The following CCNB2 variants were observed in gnomAD, a reference collection of about 807,000 sequenced individuals.
CCNB2 encodes the protein G2/mitotic-specific cyclin-B2.
Under a neutral mutation model 51.1 loss-of-function variants are expected in CCNB2, and 39 were observed. The observed-to-expected ratio is 0.76, with a 90% CI of 0.59 to 1.00. CCNB2 has a LOEUF of 1.00. CCNB2 is among the 50% of genes least tolerant of loss of function. CCNB2 has a pLI of 0.00. For synonymous variants in CCNB2, 174 were observed against 165.5 expected, an observed-to-expected ratio of 1.05 and a Z score of -0.40; for missense variants, 472 against 470.3, an observed-to-expected ratio of 1.00 and a Z score of -0.03.
chr15:59,109,123 T>G (rs1409931388), intron 3 of CCNB2, among the ~76,000 whole-genome samples: 6 of 152,292 alleles, frequency 3.9e-5, no homozygotes, highest in Admixed American at 2.0e-4. Context: ...CGATCTCTGC[T>G]AACTGCAACC....
chr15:59,118,671 G>A (rs575737600), intron 7 of CCNB2, among the ~76,000 whole-genome samples: 7 of 152,274 alleles, frequency 4.6e-5, no homozygotes, highest in Non-Finnish European at 5.9e-5. Context: ...CGGACAGGGC[G>A]AGACTCTGTC....
At chr15:59,112,613 G>T (rs1476519057) in intron 3 of CCNB2, among the ~76,000 whole-genome samples, 1 of 152,000 alleles carries the variant, frequency 6.6e-6, no homozygotes, top group African/African-American at 2.4e-5. Flanking sequence ...CCAAAGTGCT[G>T]GGATTATAGG....
intron 7 of CCNB2, among the ~76,000 whole-genome samples, chr15:59,118,297 T>C (rs1170400258): frequency 1.3e-5 from 2 of 152,214 alleles, no homozygotes; most frequent in Non-Finnish European, 2.9e-5. Context: ...TACACTGTTG[T>C]GGAGAAGCCA....
intron 3 of CCNB2, among the ~76,000 whole-genome samples, chr15:59,109,113 C>T (rs181374270): frequency 4.6e-5 from 7 of 152,226 alleles, no homozygotes; most frequent in South Asian, 2.1e-4. Context: ...TTCAGTGGCT[C>T]GATCTCTGCT....
At chr15:59,105,321 G>A (rs1385895359) in intron 1 of CCNB2, 29 bp downstream of exon 1, 5 of 1,548,822 alleles carry the variant, frequency 3.2e-6, no homozygotes, top group Admixed American at 1.9e-5. Flanking sequence ...CGCTCTCAGA[G>A]GCGAGTCCGT....
intron 3 of CCNB2, among the ~76,000 whole-genome samples, chr15:59,111,554 G>C (rs1451744292): frequency 6.6e-6 from 1 of 152,186 alleles, no homozygotes; most frequent in Non-Finnish European, 1.5e-5. Context: ...TCTGATTCTA[G>C]TCACTTGATA....
At chr15:59,107,751 T>C in intron 3 of CCNB2, 81 bp downstream of exon 3, 1 of 1,001,680 alleles carries the variant, frequency 1.0e-6, no homozygotes, top group Non-Finnish European at 1.5e-6. Context: ...TTATCATTGC[T>C]GTACCTTCTA....
At chr15:59,120,030 T>TA in intron 7 of CCNB2, among the ~76,000 whole-genome samples, 1 of 152,194 alleles carries the variant, frequency 6.6e-6, no homozygotes, top group South Asian at 2.1e-4. Context: ...TATTAACAAT[T>TA]AAAAACAAAA....
At chr15:59,105,660 C>G (rs2079232840) in intron 1 of CCNB2, among the ~76,000 whole-genome samples, 1 of 152,332 alleles carries the variant, frequency 6.6e-6, no homozygotes, top group Non-Finnish European at 1.5e-5. Flanking sequence ...ATTTCCCTCC[C>G]CCTTTCTTAC....
At chr15:59,106,221 C>T (rs2079235266) in intron 1 of CCNB2, among the ~76,000 whole-genome samples, 2 of 152,182 alleles carry the variant, frequency 1.3e-5, no homozygotes, top group South Asian at 2.1e-4. Flanking sequence ...TTCAGATTGG[C>T]AGTTGCTGCT....
chr15:59,109,782 C>A (rs894859205), intron 3 of CCNB2, among the ~76,000 whole-genome samples: 2 of 152,090 alleles, frequency 1.3e-5, no homozygotes, highest in South Asian at 2.1e-4. Context: ...GTCAGGAGAT[C>A]GAGACCATCC....
In CCNB2 at chr15:59,124,762, T is replaced by C. The variant is rs147593855; in HGVS notation, c.1087-5T>C. ...CATGTGCTTAATCACAAATGACTTC[T>C]GCAGGCCATCAAGAATAAGTATGCA... On this transcript the variant is annotated splice_region_variant and splice_polypyrimidine_tract_variant and intron_variant, in intron 8 of 8. Transcript: ENST00000288207. 100 of 1,608,360 alleles carry C rather than the reference T, an allele frequency of 6.2e-5. 3 individuals carry two copies. In the South Asian group the frequency reaches 7.7e-4, roughly 12 times the overall value.
chr15:59,106,991 A>G (rs28383499), intron 1 of CCNB2, among the ~76,000 whole-genome samples: 94 of 152,198 alleles, frequency 6.2e-4, no homozygotes, highest in Non-Finnish European at 1.2e-3. Flanking sequence ...ATCTCTAACA[A>G]GTGATATGGG....
intron 7 of CCNB2, among the ~76,000 whole-genome samples, chr15:59,120,003 T>C (rs1313321327): frequency 6.6e-6 from 1 of 152,180 alleles, no homozygotes; most frequent in Non-Finnish European, 1.5e-5. Context: ...CCACTGTGCC[T>C]GGCCTAAGAG....
chr15:59,113,375 T>C (rs1196448925), intron 3 of CCNB2, among the ~76,000 whole-genome samples: 1 of 152,154 alleles, frequency 6.6e-6, no homozygotes, highest in African/African-American at 2.4e-5. Context: ...GTTTCTTCCA[T>C]TTATTGAGCA....
intron 7 of CCNB2, among the ~76,000 whole-genome samples, chr15:59,121,852 A>C (rs544860291): frequency 2.0e-5 from 3 of 150,772 alleles, no homozygotes; most frequent in African/African-American, 7.4e-5. Flanking sequence ...GAATTGCCTA[A>C]ACCCGGAAGG....
intron 8 of CCNB2, chr15:59,124,226 C>T (rs2079315740): frequency 6.1e-6 from 1 of 164,702 alleles, no homozygotes; most frequent in South Asian, 1.5e-4. Context: ...CACCAAACAT[C>T]AGAGCTCACC....
At chr15:59,120,002 C>T (rs560858052) in intron 7 of CCNB2, among the ~76,000 whole-genome samples, 5 of 152,306 alleles carry the variant, frequency 3.3e-5, no homozygotes, top group African/African-American at 1.2e-4. Flanking sequence ...GCCACTGTGC[C>T]TGGCCTAAGA....
chr15:59,124,685 C>CTT, intron 8 of CCNB2, 82 bp from the exon 9 acceptor site: 1 of 953,120 alleles, frequency 1.0e-6, no homozygotes, highest in Non-Finnish European at 1.7e-6. Context: ...AGCCGTGGAC[C>CTT]TTTGATAATT....
Sources: allele counts gnomAD v4.1 joint callset (sites outside exome capture counted in the v4.1 genomes callset), GRCh38; gene constraint gnomAD v4.1.1; transcripts MANE v1.5; gene names NCBI Gene and HGNC (gene_info 2026-07-23, HGNC 2026-07-21).